Variants in ZSWIM4 observed in about 807,000 individuals in gnomAD.
The protein encoded by ZSWIM4 is zinc finger SWIM domain-containing protein 4.
A neutral mutation model predicts 102.5 loss-of-function variants in ZSWIM4; 62 were observed. The ratio of observed to expected loss-of-function variants is 0.60; its 90% confidence interval spans 0.49 to 0.75. The LOEUF is 0.75. Ranked by LOEUF, ZSWIM4 falls within the 30% of genes least tolerant of loss-of-function variation. ZSWIM4 has a pLI of 0.00. For synonymous variants in ZSWIM4, 652 were observed against 674.5 expected (o/e 0.97, Z 0.52); for missense variants, 1,280 against 1,529.6 (o/e 0.84, Z 2.72).
At position 13,799,739 on chromosome 19, in the gene ZSWIM4, G is replaced by T; in HGVS notation, c.173G>T (p.Arg58Leu). ...AFEQVEERFSRVPEPVQKRIV... is the reference protein window; with the variant it reads ...AFEQVEERFSLVPEPVQKRIV... Reference sequence around the variant, plus strand: ...CTACAGGTGGAGGAGCGGTTCTCCCGGGTGCCTGAGCCCGTCCAGAAGCGC... The same window carrying T: ...CTACAGGTGGAGGAGCGGTTCTCCCTGGTGCCTGAGCCCGTCCAGAAGCGC... The change falls in exon 2 of 14, where the codon CGG (arginine) becomes CTG (leucine). Residue 58 changes from arginine (R) to leucine (L), a missense_variant. By Grantham distance (102) the Arg-to-Leu change is moderately radical. Transcript: ENST00000590508. 1 of 1,613,986 alleles carries T rather than the reference G, an allele frequency of 6.2e-7. No homozygotes were observed. The highest frequency in any genetic ancestry group is 1.1e-5 in the South Asian group (1 of 91,068).
intron 12 of ZSWIM4, among the ~76,000 whole-genome samples, chr19:13,827,474 TC>T (rs1158243286): frequency 6.7e-6 from 1 of 149,040 alleles, no homozygotes; most frequent in African/African-American, 2.5e-5. Flanking sequence ...ACGCGTGTAG[TC>T]CCAGCTGCTC....
At chr19:13,805,971 C>CA (rs142657315) in intron 3 of ZSWIM4, among the ~76,000 whole-genome samples, 2,433 of 110,020 alleles carry the variant, frequency 0.022, 68 homozygotes, top group African/African-American at 0.074. Context: ...ACCCTGACTC[C>CA]AAAAAAAAAA....
chr19:13,828,977 G>A (rs909919923), intron 13 of ZSWIM4, among the ~76,000 whole-genome samples: 1 of 152,108 alleles, frequency 6.6e-6, no homozygotes, highest in Non-Finnish European at 1.5e-5. Flanking sequence ...GCAAGTGCCT[G>A]TAGTTCCAGC....
chr19:13,804,815 C>A lies in ZSWIM4; in HGVS notation c.379C>A (p.Arg127Ser), dbSNP rs150620785. ...AGGATTCCACCTGAGCGGAAACATC[C>A]GCGAGCCAGGGAGTCCTGGAGAGCC... ...QVGFHLSGNI[R>S]EPGSPGEPER... Residue 127 changes from arginine to serine, a missense_variant, in exon 3 of 14, where the codon CGC (arginine) becomes AGC (serine). Arg to Ser is a moderately radical substitution (Grantham distance 110, BLOSUM62 -1). Transcript: ENST00000590508. 2 of 1,593,844 alleles carry A rather than the reference C, an allele frequency of 1.3e-6. No homozygotes were observed. Among genetic ancestry groups the A allele is most frequent in the Non-Finnish European group, 1.7e-6 (2 of 1,167,346 alleles).
At chr19:13,823,158 A>G (rs985588073) in intron 10 of ZSWIM4, among the ~76,000 whole-genome samples, 188 bp from the exon 11 acceptor site, 5 of 152,188 alleles carry the variant, frequency 3.3e-5, no homozygotes, top group Non-Finnish European at 7.3e-5. Context: ...TGTCTCTAAA[A>G]TAAGTAAATG....
chr19:13,796,111 C>T (rs1316101707), intron 1 of ZSWIM4, among the ~76,000 whole-genome samples: 1 of 151,536 alleles, frequency 6.6e-6, no homozygotes, highest in Admixed American at 6.6e-5. Context: ...CCCCATGGCC[C>T]GCCTACAACC....
chr19:13,806,587 G>A (rs1190168084), intron 3 of ZSWIM4, among the ~76,000 whole-genome samples: 8 of 151,812 alleles, frequency 5.3e-5, no homozygotes, highest in African/African-American at 1.7e-4. Context: ...GATCATGAGC[G>A]TGGGAGGTAA....
At chr19:13,829,879 C>T (rs928869113) in intron 13 of ZSWIM4, among the ~76,000 whole-genome samples, 1 of 152,008 alleles carries the variant, frequency 6.6e-6, no homozygotes, top group Non-Finnish European at 1.5e-5. Flanking sequence ...TCTCCGATTC[C>T]AGCCTGTGCT....
At chr19:13,828,332 C>T (rs1975665798) in intron 12 of ZSWIM4, among the ~76,000 whole-genome samples, 1 of 151,648 alleles carries the variant, frequency 6.6e-6, no homozygotes, top group South Asian at 2.1e-4. Flanking sequence ...TGCTTGAACT[C>T]GGGAGGCGGA....
At chr19:13,815,808 G>A (rs1449192561) in intron 7 of ZSWIM4, among the ~76,000 whole-genome samples, 5 of 151,570 alleles carry the variant, frequency 3.3e-5, no homozygotes, top group Admixed American at 2.0e-4. Context: ...GCGTGGTGGC[G>A]CACACCTGTA....
At chr19:13,798,875 G>A (rs1180201504) in intron 1 of ZSWIM4, among the ~76,000 whole-genome samples, 1 of 152,056 alleles carries the variant, frequency 6.6e-6, no homozygotes, top group South Asian at 2.1e-4. Context: ...TGCAACCTCC[G>A]CCTCCCGGGT....
chr19:13,800,744 C>G (rs1974748773), intron 2 of ZSWIM4, among the ~76,000 whole-genome samples: 1 of 152,148 alleles, frequency 6.6e-6, no homozygotes, highest in African/African-American at 2.4e-5. Flanking sequence ...AAGGATCACC[C>G]TAGAACCCAG....
rs34724629 is a variant in ZSWIM4 at position 13,832,230 on chromosome 19, C to CAAAAAAAAA, written c.*1196_*1204dup. The CAAAAAAAAA allele has an allele frequency of 3.8e-4, 21 of 55,266 alleles. 1 individual carries two copies. Among genetic ancestry groups the CAAAAAAAAA allele is most frequent in the African/African-American group, 1.5e-3 (20 of 13,706 alleles). 3.4% of individuals were successfully genotyped at this position (55,266 alleles called of 1,614,324 possible). On this transcript the variant is annotated 3_prime_UTR_variant, in exon 14 of 14. Transcript: ENST00000590508. ...CACACCCTCAACCTCGTTTCCTCCG[C>CAAAAAAAAA]AAAAAAAAAAAAAAAAAAAAAAAAT...
intron 1 of ZSWIM4, among the ~76,000 whole-genome samples, chr19:13,798,738 T>C: frequency 6.6e-6 from 1 of 152,246 alleles, no homozygotes; most frequent in East Asian, 1.9e-4. Context: ...GGGGTCACAG[T>C]GCTCCTAAAT....
chr19:13,806,153 C>A (rs572277722), intron 3 of ZSWIM4, among the ~76,000 whole-genome samples: 51 of 151,326 alleles, frequency 3.4e-4, no homozygotes, highest in African/African-American at 1.2e-3. Context: ...AGCAATTCTC[C>A]TGTCTCAGCC....
chr19:13,827,952 C>T (rs925657586), intron 12 of ZSWIM4, among the ~76,000 whole-genome samples: 2 of 152,162 alleles, frequency 1.3e-5, no homozygotes, highest in East Asian at 1.9e-4. Context: ...TGGTTTGTTC[C>T]GGCATAGGAT....
intron 1 of ZSWIM4, among the ~76,000 whole-genome samples, chr19:13,798,529 C>T (rs889280812): frequency 6.6e-6 from 1 of 152,178 alleles, no homozygotes. Flanking sequence ...AACAGAATCC[C>T]AAGACCCTGC....
chr19:13,796,206 AC>A (rs138267686), intron 1 of ZSWIM4, among the ~76,000 whole-genome samples: 1,130 of 89,218 alleles, frequency 0.013, 21 homozygotes, highest in African/African-American at 0.049. Flanking sequence ...CTCTTTTCCC[AC>A]CTTATCCCCC....
Position 13,814,871 on chromosome 19 carries a change from C to A in ZSWIM4, c.1531+6C>A. 1 of 1,235,526 alleles carries A rather than the reference C, an allele frequency of 8.1e-7. No homozygotes were observed. The highest frequency in any genetic ancestry group is 1.5e-5 in the African/African-American group (1 of 64,870). 76.5% of individuals were successfully genotyped at this position (1,235,526 alleles called of 1,614,324 possible). A position where few individuals can be genotyped will look rare whatever the true frequency, so the allele number is the denominator to read the frequency against. On this transcript the variant is annotated splice_donor_region_variant and intron_variant, in intron 7 of 13. Coordinates refer to ENST00000590508, the MANE Select transcript of ZSWIM4 (RefSeq NM_001367834.3). ...CTACAAGCAGCAGAAAAAAGGTCAG[C>A]CTCAGCCGGGCACGGGGGCTCGCAC...
Sources: allele counts gnomAD v4.1 joint callset (sites outside exome capture counted in the v4.1 genomes callset), GRCh38; gene constraint gnomAD v4.1.1; transcripts MANE v1.5; gene names NCBI Gene and HGNC (gene_info 2026-07-23, HGNC 2026-07-21).